The following DNAH3 variants were observed in gnomAD, a reference collection of about 807,000 sequenced individuals.
DNAH3 encodes axonemal beta dynein heavy chain 3.
Under a neutral mutation model 432.5 loss-of-function variants are expected in DNAH3, and 332 were observed. That is an observed-to-expected ratio of 0.77 (90% CI 0.70 to 0.84). The LOEUF (loss-of-function observed/expected upper bound fraction) is 0.84, where lower values mean the gene tolerates loss of function less well. Among genes scored for constraint, DNAH3 ranks in the 40% least tolerant of loss-of-function variants. The pLI is 0.00. For missense variants in DNAH3, 4,861 were observed against 5,114.0 expected (o/e 0.95, Z 1.51); for synonymous variants, 1,956 against 1,900.2 (o/e 1.03, Z -0.76).
At chr16:21,011,488 C>G (rs1435098637) in intron 41 of DNAH3, among the ~76,000 whole-genome samples, 10 of 152,084 alleles carry the variant, frequency 6.6e-5, no homozygotes, top group Admixed American at 6.5e-4. Flanking sequence ...TCCCAAGTAG[C>G]TGAGAATAGA....
chr16:21,066,244 T>C (rs1305691257), intron 24 of DNAH3, among the ~76,000 whole-genome samples: 4 of 152,010 alleles, frequency 2.6e-5, no homozygotes, highest in Admixed American at 6.6e-5. Context: ...TTCTTAAAGG[T>C]AAATTAGGAT....
At chr16:21,073,411 C>T (rs1341776784) in intron 21 of DNAH3, among the ~76,000 whole-genome samples, 1 of 152,172 alleles carries the variant, frequency 6.6e-6, no homozygotes, top group Non-Finnish European at 1.5e-5. Flanking sequence ...GCTGATCATG[C>T]AGCCACGCTT....
intron 34 of DNAH3, 76 bp downstream of exon 34, chr16:21,037,685 G>A: frequency 7.8e-7 from 1 of 1,286,788 alleles, no homozygotes; most frequent in Non-Finnish European, 1.1e-6. Flanking sequence ...AGGGTATGGG[G>A]AAGGCACCAA....
At position 21,111,711 on chromosome 16, in the gene DNAH3, T is replaced by C. The variant is rs751030613; in HGVS notation, c.2014A>G (p.Asn672Asp). 1.4e-5 allele frequency: 23 copies of C among 1,613,970 alleles called. No homozygotes were observed. In the African/African-American group the frequency reaches 2.8e-4, roughly 20 times the overall value. Residue 672 changes from asparagine to aspartate, a missense_variant, in exon 14 of 62, where the codon AAT becomes GAT. Coordinates refer to ENST00000261383, the Ensembl canonical transcript of DNAH3. The stretch of plus-strand genomic sequence containing the variant: ...TGAGCTCGCTCACAGAGATCATGAT[T>C]TAGGGCCGTAGCATCAAGGCAGAAC...
chr16:20,963,887 A>C, exon 53 of DNAH3: 1 of 1,614,148 alleles, frequency 6.2e-7, no homozygotes, highest in East Asian at 2.2e-5. Context: ...CTGTGGGTCA[A>C]GGAATGCATG....
At position 21,031,177 on chromosome 16, in the gene DNAH3, A is replaced by G. The variant is rs368476112; in HGVS notation, c.5307T>C (p.Asp1769=). 7.4e-6 allele frequency: 12 copies of G among 1,614,144 alleles called. No homozygotes were observed. The African/African-American group carries it at 1.5e-4, about 20-fold the overall frequency. ...CCCGGAAAGCATTGGCAAGGACACCATCCATCCACTCGTGGCTCACTTGGT... is the reference window on the plus strand; with the variant it reads ...CCCGGAAAGCATTGGCAAGGACACCGTCCATCCACTCGTGGCTCACTTGGT... Residue 1769 remains aspartate (D), a synonymous_variant, in exon 37 of 62, where the codon GAT becomes GAC. Coordinates refer to ENST00000261383, the Ensembl canonical transcript of DNAH3.
chr16:21,060,514 C>G (rs796153459), intron 25 of DNAH3, among the ~76,000 whole-genome samples, 158 bp from the exon 26 acceptor site: 1 of 127,280 alleles, frequency 7.9e-6, no homozygotes, highest in Non-Finnish European at 1.6e-5. Flanking sequence ...TTCTTTTTTT[C>G]TTTTTTTTTT....
intron 14 of DNAH3, among the ~76,000 whole-genome samples, chr16:21,107,237 ATC>A (rs1361305182): frequency 2.5e-5 from 3 of 118,684 alleles, no homozygotes; most frequent in Non-Finnish European, 5.0e-5. Flanking sequence ...TTAATTTTTA[ATC>A]TTTTTTTTTT....
exon 30 of DNAH3, chr16:21,049,973 C>T: frequency 6.2e-7 from 1 of 1,614,194 alleles, no homozygotes; most frequent in East Asian, 2.2e-5. Flanking sequence ...CAGCTGGACC[C>T]TCTGGAGCAC....
intron 1 of DNAH3, among the ~76,000 whole-genome samples, chr16:21,156,321 G>A (rs955965857): frequency 4.0e-5 from 6 of 151,754 alleles, no homozygotes; most frequent in African/African-American, 1.5e-4. Flanking sequence ...AGCCTCCACT[G>A]CCTGGGCTCA....
intron 25 of DNAH3, 48 bp from the exon 26 acceptor site, chr16:21,060,404 A>G: frequency 6.9e-7 from 1 of 1,446,402 alleles, no homozygotes; most frequent in Non-Finnish European, 9.7e-7. Flanking sequence ...CAAAGCCCAG[A>G]GGGAGGGAGA....
chr16:21,141,426 C>G, intron 3 of DNAH3, 54 bp from the exon 5 acceptor site: 3 of 1,308,372 alleles, frequency 2.3e-6, no homozygotes, highest in Non-Finnish European at 3.2e-6. Flanking sequence ...TTGGGCCATT[C>G]TCCGTCCACA....
At chr16:21,106,562 A>G in exon 15 of DNAH3, 1 of 1,612,316 alleles carries the variant, frequency 6.2e-7, no homozygotes, top group Non-Finnish European at 8.5e-7. Flanking sequence ...CTGAGTTTGA[A>G]CACAGTGACA....
intron 3 of DNAH3, among the ~76,000 whole-genome samples, chr16:21,141,579 G>A (rs1400128540): frequency 6.6e-6 from 1 of 152,140 alleles, no homozygotes; most frequent in African/African-American, 2.4e-5. Context: ...TCATCACTCC[G>A]GACCTCAGCT....
At chr16:21,051,329 C>G (rs1243638999) in intron 29 of DNAH3, among the ~76,000 whole-genome samples, 2 of 152,152 alleles carry the variant, frequency 1.3e-5, no homozygotes, top group African/African-American at 4.8e-5. Context: ...CGTTCTTGAC[C>G]TCACTTCTTG....
At chr16:21,074,196 A>G (rs962595546) in intron 21 of DNAH3, among the ~76,000 whole-genome samples, 1 of 152,148 alleles carries the variant, frequency 6.6e-6, no homozygotes, top group Non-Finnish European at 1.5e-5. Flanking sequence ...ATTTAAACTG[A>G]ATAGGGAAAG....
intron 5 of DNAH3, 82 bp from the exon 7 acceptor site, chr16:21,136,595 A>AC: frequency 7.7e-7 from 1 of 1,295,518 alleles, no homozygotes; most frequent in Non-Finnish European, 1.1e-6. Flanking sequence ...CTGCCAAGGG[A>AC]CCCCATTCAT....
At chr16:20,969,175 G>T (rs1323298297) in intron 52 of DNAH3, among the ~76,000 whole-genome samples, 6 of 145,158 alleles carry the variant, frequency 4.1e-5, no homozygotes, top group Non-Finnish European at 9.0e-5. Context: ...TGTCCCTTTG[G>T]GTGTATATGC....
chr16:21,125,440 C>G (rs1054808224), intron 8 of DNAH3, 70 bp from the exon 10 acceptor site: 24 of 1,365,080 alleles, frequency 1.8e-5, no homozygotes, highest in Non-Finnish European at 2.3e-5. Context: ...GCCGTGCCCC[C>G]TGAGCTCAGT....
Sources: allele counts gnomAD v4.1 joint callset (sites outside exome capture counted in the v4.1 genomes callset), GRCh38; gene constraint gnomAD v4.1.1; transcripts MANE v1.5; gene names NCBI Gene and HGNC (gene_info 2026-07-23, HGNC 2026-07-21).